The following ANKFN1 variants were observed in gnomAD, a reference collection of about 807,000 sequenced individuals.
ANKFN1 encodes ankyrin repeat and fibronectin type III domain containing 1, also known as ankyrin repeat and fibronectin type-III domain-containing protein 1.
Under a neutral mutation model 108.7 loss-of-function variants are expected in ANKFN1, and 74 were observed. The ratio of observed to expected loss-of-function variants is 0.68; its 90% CI spans 0.56 to 0.83. The LOEUF (loss-of-function observed/expected upper bound fraction) is 0.83, where lower values mean the gene tolerates loss of function less well. Among genes scored for constraint, ANKFN1 ranks in the 40% least tolerant of loss-of-function variants. The pLI is 0.00. For synonymous variants in ANKFN1, 547 were observed against 516.2 expected, an observed-to-expected ratio of 1.06 and a Z score of -0.81; for missense variants, 1,505 against 1,382.3, an observed-to-expected ratio of 1.09 and a Z score of -1.41.
At chr17:56,302,517 C>CAAAAA (rs774091391) in intron 3 of ANKFN1, among the ~76,000 whole-genome samples, 6 of 96,434 alleles carry the variant, frequency 6.2e-5, no homozygotes, top group African/African-American at 2.0e-4. Context: ...CTAGCCTCTA[C>CAAAAA]AAAAAAAAAA....
chr17:56,078,866 G>GT (rs1483513603), intron 4 of ANKFN1, among the ~76,000 whole-genome samples: 3 of 152,172 alleles, frequency 2.0e-5, no homozygotes, highest in Non-Finnish European at 2.9e-5. Flanking sequence ...GTAAAGCACA[G>GT]TTGGTGAGGT....
chr17:56,372,942 A>G, intron 7 of ANKFN1, 102 bp downstream of exon 7: 1 of 1,204,610 alleles, frequency 8.3e-7, no homozygotes, highest in Non-Finnish European at 1.1e-6. Context: ...CTACAGAGTC[A>G]TGGATGGCCG....
chr17:56,126,283 G>GA (rs965692469), intron 4 of ANKFN1, among the ~76,000 whole-genome samples: 11 of 102,340 alleles, frequency 1.1e-4, no homozygotes, highest in South Asian at 3.3e-4. Context: ...GAACACTCAG[G>GA]AAAAAAAAAG....
chr17:56,143,025 A>C (rs1271771801), intron 4 of ANKFN1, among the ~76,000 whole-genome samples: 1 of 152,184 alleles, frequency 6.6e-6, no homozygotes, highest in East Asian at 1.9e-4. Flanking sequence ...AATATGAATG[A>C]ATGTTTAGTT....
chr17:56,407,862 T>C (rs2047967267), intron 8 of ANKFN1, among the ~76,000 whole-genome samples: 1 of 152,134 alleles, frequency 6.6e-6, no homozygotes, highest in Admixed American at 6.5e-5. Flanking sequence ...TACAACTGTT[T>C]TCAATATAAA....
At chr17:56,316,142 A>T (rs1379713888) in intron 3 of ANKFN1, among the ~76,000 whole-genome samples, 1 of 152,202 alleles carries the variant, frequency 6.6e-6, no homozygotes, top group Non-Finnish European at 1.5e-5. Flanking sequence ...AGTGGCATTT[A>T]CAGTCAACGT....
At chr17:56,400,377 AT>A (rs2047723484) in intron 8 of ANKFN1, among the ~76,000 whole-genome samples, 1 of 152,098 alleles carries the variant, frequency 6.6e-6, no homozygotes, top group Non-Finnish European at 1.5e-5. Context: ...GGCCATTTGT[AT>A]ATCATCTTTT....
intron 8 of ANKFN1, among the ~76,000 whole-genome samples, chr17:56,383,526 T>C (rs1598495676): frequency 6.6e-6 from 1 of 152,164 alleles, no homozygotes; most frequent in South Asian, 2.1e-4. Context: ...CTTCAAAAAA[T>C]TAATGAATCC....
chr17:56,291,461 C>A (rs1385026378), intron 3 of ANKFN1, among the ~76,000 whole-genome samples: 1 of 152,140 alleles, frequency 6.6e-6, no homozygotes, highest in African/African-American at 2.4e-5. Context: ...CAGAACTGAC[C>A]TTCTGATACC....
At chr17:56,209,187 A>T (rs999013931) in intron 1 of ANKFN1, among the ~76,000 whole-genome samples, 3 of 152,200 alleles carry the variant, frequency 2.0e-5, no homozygotes, top group African/African-American at 7.2e-5. Context: ...TAAATACAAG[A>T]TCAAAGCCTG....
intron 1 of ANKFN1, among the ~76,000 whole-genome samples, chr17:56,187,835 GAAA>G (rs779594611): frequency 4.7e-5 from 7 of 149,416 alleles, no homozygotes; most frequent in Non-Finnish European, 8.9e-5. Flanking sequence ...CGCAAGGACA[GAAA>G]ACCAAACACT....
At position 56,069,588 on chromosome 17, in the gene ANKFN1, C is replaced by T. The variant is rs573469620; in HGVS notation, c.288+23263C>T. 1.4e-4 allele frequency among the ~76,000 whole-genome samples: 22 copies of T among 152,220 alleles called. No homozygotes were observed. The South Asian group carries it at 4.0e-3, about 27-fold the overall frequency. ...TGGAGTTTGGAGGGTATGTTTGTTTCCTGGGGCTGCCATAAGAAATTACCA... is the reference window on the plus strand; with the variant it reads ...TGGAGTTTGGAGGGTATGTTTGTTTTCTGGGGCTGCCATAAGAAATTACCA... On this transcript the variant is annotated intron_variant, in intron 4 of 12. Coordinates refer to the ANKFN1 transcript ENST00000635860.
intron 2 of ANKFN1, among the ~76,000 whole-genome samples, chr17:56,218,887 A>G (rs1915636838): frequency 6.6e-6 from 1 of 152,188 alleles, no homozygotes; most frequent in South Asian, 2.1e-4. Context: ...TTTTTTCTGC[A>G]AACCTATTAT....
At chr17:56,225,910 G>A (rs140295809) in intron 2 of ANKFN1, among the ~76,000 whole-genome samples, 2 of 152,306 alleles carry the variant, frequency 1.3e-5, no homozygotes, top group East Asian at 3.9e-4. Flanking sequence ...AAGAGTTCTT[G>A]TCCAATGAAT....
intron 8 of ANKFN1, among the ~76,000 whole-genome samples, chr17:56,412,112 G>A (rs2144998732): frequency 6.6e-6 from 1 of 152,224 alleles, no homozygotes; most frequent in Non-Finnish European, 1.5e-5. Flanking sequence ...TCAGATTCAA[G>A]GATTTTCTTT....
intron 1 of ANKFN1, among the ~76,000 whole-genome samples, chr17:56,156,819 C>G (rs1357393818): frequency 6.6e-6 from 1 of 152,170 alleles, no homozygotes; most frequent in Non-Finnish European, 1.5e-5. Context: ...TTTATTTGAA[C>G]ACAGCCATGC....
Position 56,511,435 on chromosome 17 carries a change from G to A in ANKFN1, c.*166G>A. 1 of 798,388 alleles carries A rather than the reference G, an allele frequency of 1.3e-6. No homozygotes were observed. The highest frequency in any genetic ancestry group is 1.9e-5 in the South Asian group (1 of 51,618). The allele number at this position is 798,388 out of a possible 1,614,324, so 49.5% of individuals were successfully genotyped here. A position where few individuals can be genotyped will look rare whatever the true frequency, so the allele number is the denominator to read the frequency against. On this transcript the variant is annotated 3_prime_UTR_variant, in exon 21 of 21. Transcript: ENST00000682825. ...TCCTCTTTTTTTGGAACAGAGTGGT[G>A]GGTGGAGGCCAGAGTTGCCAGTGCC...
intron 4 of ANKFN1, among the ~76,000 whole-genome samples, chr17:56,344,561 C>G (rs1598433586): frequency 6.6e-6 from 1 of 151,862 alleles, no homozygotes; most frequent in Non-Finnish European, 1.5e-5. Flanking sequence ...CTGTTAGATT[C>G]TCAGGAAAAT....
chr17:56,258,279 C>T (rs999394708), intron 3 of ANKFN1: 6 of 152,264 alleles, frequency 3.9e-5, no homozygotes, highest in East Asian at 1.9e-4. Flanking sequence ...TAGAAATGTT[C>T]GCCCTCTACT....
Sources: allele counts gnomAD v4.1 joint callset (sites outside exome capture counted in the v4.1 genomes callset), GRCh38; gene constraint gnomAD v4.1.1; transcripts MANE v1.5; gene names NCBI Gene and HGNC (gene_info 2026-07-23, HGNC 2026-07-21).